Variants in MREG observed in about 807,000 individuals in gnomAD.
The protein encoded by MREG is melanoregulin.
A neutral mutation model predicts 28.5 loss-of-function variants in MREG; 31 were observed. That is an observed-to-expected ratio of 1.09 (90% CI 0.82 to 1.47). The LOEUF is 1.47. MREG is among the 40% of genes most tolerant of loss of function. The probability of loss-of-function intolerance (pLI) is 0.00; values close to 1 mark genes in which losing one functional copy is unlikely to be tolerated. For missense variants in MREG, 256 were observed against 257.4 expected, an observed-to-expected ratio of 0.99 and a Z score of 0.04; for synonymous variants, 106 against 95.2, an observed-to-expected ratio of 1.11 and a Z score of -0.66.
At chr2:216,005,335 T>C (rs918403071) in intron 1 of MREG, among the ~76,000 whole-genome samples, 2 of 151,324 alleles carry the variant, frequency 1.3e-5, no homozygotes, top group South Asian at 4.2e-4. Flanking sequence ...GGTGCACACA[T>C]AGGTGGGAAA....
At position 215,991,747 on chromosome 2, in the gene MREG, G is replaced by A. The variant is rs145304952; in HGVS notation, c.255+4559C>T. Among the ~76,000 whole-genome samples the A allele has an allele frequency of 4.9e-3, 752 of 152,104 alleles. 4 individuals are homozygous for A. The highest frequency in any genetic ancestry group is 0.017 in the African/African-American group (709 of 41,520). On this transcript the variant is annotated intron_variant, in intron 2 of 4. Coordinates refer to ENST00000263268, the MANE Select transcript of MREG (RefSeq NM_018000.3). The stretch of plus-strand genomic sequence containing the variant: ...GATCCCACAGAAATACAAACTACCC[G>A]TCAGAAAATACTATAAACACCTCTA...
chr2:215,995,643 C>T (rs1693853286), intron 2 of MREG, among the ~76,000 whole-genome samples: 1 of 151,996 alleles, frequency 6.6e-6, no homozygotes. Flanking sequence ...ACACAGAAGT[C>T]AGAAAACCTA....
chr2:215,973,157 G>A (rs1209690743), intron 2 of MREG, among the ~76,000 whole-genome samples: 1 of 152,144 alleles, frequency 6.6e-6, no homozygotes, highest in Non-Finnish European at 1.5e-5. Context: ...GAGAGCCCAG[G>A]ACAACAGAGG....
chr2:215,939,905 TAC>T (rs1692176677), downstream of MREG, among the ~76,000 whole-genome samples: 1 of 133,468 alleles, frequency 7.5e-6, no homozygotes, highest in Non-Finnish European at 1.7e-5. Flanking sequence ...GCATAAAAAC[TAC>T]AGATGTTTTT....
upstream of MREG, chr2:216,033,094 C>A (rs955479920): frequency 6.6e-6 from 1 of 152,088 alleles, no homozygotes; most frequent in Non-Finnish European, 1.5e-5. Flanking sequence ...TCTAAACTTA[C>A]CCAAGATTGA....
At position 215,972,563 on chromosome 2, in the gene MREG, C is replaced by A. The variant is rs189415577; in HGVS notation, c.255+23743G>T. 3.0e-3 allele frequency among the ~76,000 whole-genome samples: 437 copies of A among 148,004 alleles called. 2 individuals are homozygous for A. Among genetic ancestry groups the A allele is most frequent in the African/African-American group, 0.01 (407 of 39,822 alleles). ...GAGTCTGAGGCGAGGTTGCGGTGAG[C>A]CGAGATTGTGCCACTGCACTTCAGT... On this transcript the variant is annotated intron_variant, in intron 2 of 4. Coordinates refer to ENST00000263268, the MANE Select transcript of MREG (RefSeq NM_018000.3).
chr2:215,993,798 C>A (rs1007573531), intron 2 of MREG, among the ~76,000 whole-genome samples: 9 of 152,034 alleles, frequency 5.9e-5, no homozygotes, highest in African/African-American at 1.5e-4. Context: ...GTGCGGCCAA[C>A]AAACATATGA....
At chr2:215,998,055 A>G (rs2106018933) in intron 1 of MREG, among the ~76,000 whole-genome samples, 1 of 152,262 alleles carries the variant, frequency 6.6e-6, no homozygotes, top group East Asian at 1.9e-4. Context: ...CTGTGATCCC[A>G]ACACTTTGGG....
At chr2:215,973,676 A>C (rs1482619661) in intron 2 of MREG, among the ~76,000 whole-genome samples, 1 of 152,252 alleles carries the variant, frequency 6.6e-6, no homozygotes, top group Non-Finnish European at 1.5e-5. Context: ...TACACTCACC[A>C]ACGCTGGCAA....
chr2:215,969,551 AATG>A (rs1693033091), intron 2 of MREG, among the ~76,000 whole-genome samples: 1 of 152,200 alleles, frequency 6.6e-6, no homozygotes, highest in Admixed American at 6.5e-5. Flanking sequence ...GAGAAAAACA[AATG>A]ATGTGTATAC....
intron 1 of MREG, among the ~76,000 whole-genome samples, chr2:216,010,912 C>G (rs1224570562): frequency 3.3e-5 from 5 of 150,642 alleles, no homozygotes. Flanking sequence ...CTGGATAACA[C>G]GGTGAAACCC....
At chr2:215,964,447 G>A (rs544818616) in intron 2 of MREG, among the ~76,000 whole-genome samples, 2 of 151,610 alleles carry the variant, frequency 1.3e-5, no homozygotes, top group South Asian at 2.1e-4. Flanking sequence ...TTACACCACC[G>A]CACGCTAGCC....
downstream of MREG, chr2:215,939,394 C>G (rs897180999): frequency 6.6e-6 from 1 of 152,194 alleles, no homozygotes; most frequent in Non-Finnish European, 1.5e-5. Flanking sequence ...CCAAATTCTT[C>G]TAAACGTACA....
chr2:215,991,746 C>T (rs1574634172), intron 2 of MREG, among the ~76,000 whole-genome samples: 1 of 152,062 alleles, frequency 6.6e-6, no homozygotes, highest in South Asian at 2.1e-4. Flanking sequence ...ACAAACTACC[C>T]GTCAGAAAAT....
chr2:216,024,279 G>A (rs976003613), intron 1 of MREG, among the ~76,000 whole-genome samples: 2 of 152,116 alleles, frequency 1.3e-5, no homozygotes, highest in African/African-American at 2.4e-5. Flanking sequence ...GCTCAGACTT[G>A]TAATCCCAGC....
chr2:215,970,633 T>C (rs1693063636), intron 2 of MREG, among the ~76,000 whole-genome samples: 1 of 152,150 alleles, frequency 6.6e-6, no homozygotes, highest in African/African-American at 2.4e-5. Context: ...TGGGTCTGAG[T>C]CTGAGCTTCA....
intron 2 of MREG, among the ~76,000 whole-genome samples, chr2:215,982,736 C>A (rs568800022): frequency 6.6e-6 from 1 of 152,264 alleles, no homozygotes; most frequent in Admixed American, 6.5e-5. Flanking sequence ...TCTAGTCATG[C>A]AGGTTTCTGG....
At chr2:216,010,223 A>G (rs1283834122) in intron 1 of MREG, among the ~76,000 whole-genome samples, 1 of 152,142 alleles carries the variant, frequency 6.6e-6, no homozygotes, top group Non-Finnish European at 1.5e-5. Context: ...AAGTCAAGGA[A>G]CATTGGGAGC....
intron 2 of MREG, among the ~76,000 whole-genome samples, chr2:215,974,115 G>T (rs952747252): frequency 1.3e-5 from 2 of 152,102 alleles, no homozygotes; most frequent in East Asian, 1.9e-4. Context: ...TTTCAAGAGG[G>T]TGTGCCCAGC....
Sources: gnomAD v4.1 joint callset for allele counts (sites outside exome capture counted in the v4.1 genomes callset) on GRCh38, gnomAD v4.1.1 for gene constraint, MANE v1.5 for transcripts, NCBI Gene and HGNC (gene_info 2026-07-23, HGNC 2026-07-21) for gene names.